The following SYNPR variants were observed in gnomAD, a reference collection of about 807,000 sequenced individuals.
SYNPR encodes the protein synaptoporin.
SYNPR carries 23 observed loss-of-function variants against 32.9 expected under a neutral mutation model. That is an observed-to-expected ratio of 0.70 (90% CI 0.50 to 0.99). SYNPR has a LOEUF of 0.99. Among genes scored for constraint, SYNPR ranks in the 50% least tolerant of loss-of-function variants. The pLI is 0.00. For synonymous variants in SYNPR, 146 were observed against 135.9 expected, an observed-to-expected ratio of 1.07 and a Z score of -0.52; for missense variants, 318 against 349.3, an observed-to-expected ratio of 0.91 and a Z score of 0.71.
intron 2 of SYNPR, among the ~76,000 whole-genome samples, chr3:63,327,699 T>A (rs1028137010): frequency 4.6e-5 from 7 of 152,280 alleles, no homozygotes; most frequent in African/African-American, 1.7e-4. Flanking sequence ...CAGTACAATA[T>A]ATAATTCAAT....
intron 3 of SYNPR, among the ~76,000 whole-genome samples, chr3:63,488,957 A>C (rs1701206494): frequency 6.6e-6 from 1 of 152,188 alleles, no homozygotes; most frequent in African/African-American, 2.4e-5. Context: ...TATAATTGCA[A>C]GATTGGAAAA....
At chr3:63,227,643 T>C (rs778464531), upstream of SYNPR, among the ~76,000 whole-genome samples, 12 of 152,224 alleles carry the variant, frequency 7.9e-5, no homozygotes, top group Non-Finnish European at 1.6e-4. Flanking sequence ...TCCTCATTGT[T>C]ATGAAATAAC....
At chr3:63,210,517 G>T in the SYNPR span, among the ~76,000 whole-genome samples, 1 of 152,168 alleles carries the variant, frequency 6.6e-6, no homozygotes, top group Non-Finnish European at 1.5e-5. Context: ...AAGTTGATTT[G>T]GTTGGTTGGT....
rs147382871 is a variant in SYNPR at position 63,616,649 on chromosome 3, A to G, written c.*1168A>G. On this transcript the variant is annotated 3_prime_UTR_variant, in exon 6 of 6. Transcript: ENST00000478300. The stretch of plus-strand genomic sequence containing the variant: ...GAGTTCTCATGAAATATTCTCCAGA[A>G]TGTATTCATTATCAAGAAAATGTCA... The G allele has an allele frequency of 5.8e-4, 88 of 152,744 alleles. No homozygotes were observed. The highest frequency in any genetic ancestry group is 2.1e-3 in the African/African-American group (87 of 41,570). 9.5% of individuals were successfully genotyped at this position (152,744 alleles called of 1,614,324 possible). A position where few individuals can be genotyped will look rare whatever the true frequency, so the allele number is the denominator to read the frequency against.
Position 63,385,823 on chromosome 3 carries a change from A to G in SYNPR, c.85-95009A>G, listed in dbSNP as rs142853579. Reference sequence around the variant, plus strand: ...ACGCTTCTGATGATGGGGGCTGTCAACAGCTCTTTATGTAACACATACCAA... The same window carrying G: ...ACGCTTCTGATGATGGGGGCTGTCAGCAGCTCTTTATGTAACACATACCAA... On this transcript the variant is annotated intron_variant, in intron 2 of 5. Transcript: ENST00000478300. 3.4e-3 allele frequency among the ~76,000 whole-genome samples: 511 copies of G among 152,344 alleles called. 1 individual carries two copies. Among genetic ancestry groups the G allele is most frequent in the Admixed American group, 5.2e-3 (80 of 15,304 alleles).
rs1003103248 is a variant in SYNPR, at chr3:63,280,727, T to G, written c.84+1985T>G. On this transcript the variant is annotated intron_variant, in intron 2 of 5. Coordinates refer to ENST00000478300, the MANE Select transcript of SYNPR (RefSeq NM_001130003.2). Reference sequence around the variant, plus strand: ...ATAGCTCCCCCCCTTGGGGGAGGGGTGTGTGTGTGTGTGTGTGTGCACAGG... The same window carrying G: ...ATAGCTCCCCCCCTTGGGGGAGGGGGGTGTGTGTGTGTGTGTGTGCACAGG... Among the ~76,000 whole-genome samples the G allele has an allele frequency of 2.4e-4, 31 of 127,764 alleles. No homozygotes were observed. The South Asian group carries it at 3.3e-3, about 14-fold the overall frequency. 83.8% of individuals were successfully genotyped at this position (127,764 alleles called of 152,430 possible).
At chr3:63,610,073 GA>G (rs1444831731) in intron 5 of SYNPR, among the ~76,000 whole-genome samples, 1 of 152,138 alleles carries the variant, frequency 6.6e-6, no homozygotes, top group Non-Finnish European at 1.5e-5. Flanking sequence ...CTAGTAGGGT[GA>G]AAAAATAAAT....
chr3:63,589,057 C>A, intron 4 of SYNPR, among the ~76,000 whole-genome samples: 1 of 152,154 alleles, frequency 6.6e-6, no homozygotes. Context: ...AGGAAAGGAA[C>A]AAGCAGGTAG....
At chr3:63,286,227 G>T (rs752808123) in intron 2 of SYNPR, among the ~76,000 whole-genome samples, 10 of 152,194 alleles carry the variant, frequency 6.6e-5, no homozygotes, top group Non-Finnish European at 1.3e-4. Context: ...AGCAAGGCCA[G>T]TATTGAACCT....
At chr3:63,441,032 G>A (rs1035252487) in intron 2 of SYNPR, among the ~76,000 whole-genome samples, 3 of 152,154 alleles carry the variant, frequency 2.0e-5, no homozygotes, top group East Asian at 1.9e-4. Context: ...GTGCCATCAC[G>A]TTGCATCCAA....
chr3:63,519,789 A>G (rs1240912176), intron 3 of SYNPR, among the ~76,000 whole-genome samples: 2 of 152,228 alleles, frequency 1.3e-5, no homozygotes, highest in African/African-American at 4.8e-5. Flanking sequence ...TGTCCCCCGA[A>G]AAAGTATGCT....
At chr3:63,521,305 C>A (rs1294278009) in intron 3 of SYNPR, among the ~76,000 whole-genome samples, 1 of 152,172 alleles carries the variant, frequency 6.6e-6, no homozygotes, top group East Asian at 1.9e-4. Flanking sequence ...GTGACCTCAG[C>A]AAGTGATCAA....
chr3:63,523,296 G>A (rs1701947454), intron 3 of SYNPR, among the ~76,000 whole-genome samples: 1 of 152,082 alleles, frequency 6.6e-6, no homozygotes, highest in South Asian at 2.1e-4. Flanking sequence ...TTGCACTATG[G>A]TGTGGGAGGA....
At chr3:63,610,607 T>C (rs138415016) in intron 5 of SYNPR, 34 of 622,966 alleles carry the variant, frequency 5.5e-5, no homozygotes, top group South Asian at 4.4e-4. Context: ...CAATAATTTT[T>C]ATTCATTGCT....
Position 63,247,141 on chromosome 3 carries a change from G to C in SYNPR, n.67-5358G>C, listed in dbSNP as rs12630946. Reference sequence around the variant, plus strand: ...TTCAATAAATGTTAGCTATTTTTAGGGGAAAAATGCCTCTCTAAGAAACAA... The same window carrying C: ...TTCAATAAATGTTAGCTATTTTTAGCGGAAAAATGCCTCTCTAAGAAACAA... On this transcript the variant is annotated intron_variant and non_coding_transcript_variant, in intron 1 of 4. Transcript: ENST00000478456. Among the ~76,000 whole-genome samples the C allele has an allele frequency of 2.3e-3, 343 of 151,794 alleles. 8 individuals are homozygous for C. In the East Asian group the frequency reaches 0.051, roughly 22 times the overall value.
chr3:63,534,184 T>C (rs184138170), intron 3 of SYNPR, among the ~76,000 whole-genome samples: 1 of 152,232 alleles, frequency 6.6e-6, no homozygotes, highest in Admixed American at 6.5e-5. Context: ...GAAAGCCATG[T>C]TTTCTAATAG....
At chr3:63,539,907 G>A (rs1258804065) in intron 3 of SYNPR, among the ~76,000 whole-genome samples, 1 of 152,040 alleles carries the variant, frequency 6.6e-6, no homozygotes, top group Non-Finnish European at 1.5e-5. Context: ...ACCCTCCAGG[G>A]TTTTAGGGCT....
intron 5 of SYNPR, among the ~76,000 whole-genome samples, chr3:63,612,323 ACAGTGTTAGAG>A (rs775819676): frequency 2.0e-5 from 3 of 152,246 alleles, no homozygotes; most frequent in Admixed American, 6.5e-5. Context: ...CAAATGTCAT[ACAGTGTTAGAG>A]CCTAAATACA....
At chr3:63,525,120 C>A (rs1291673896) in intron 3 of SYNPR, among the ~76,000 whole-genome samples, 2 of 152,126 alleles carry the variant, frequency 1.3e-5, no homozygotes, top group African/African-American at 4.8e-5. Context: ...CTTCTCAATG[C>A]AAGGAATTGA....
Sources: allele counts gnomAD v4.1 joint callset (sites outside exome capture counted in the v4.1 genomes callset), GRCh38; gene constraint gnomAD v4.1.1; transcripts MANE v1.5; gene names NCBI Gene and HGNC (gene_info 2026-07-23, HGNC 2026-07-21).